CADM2: variants seen among roughly 807,000 people sequenced by gnomAD.
CADM2 encodes cell adhesion molecule 2.
In CADM2, 12 loss-of-function variants were observed where a neutral mutation model predicts 49.8. The observed-to-expected ratio is 0.24, with a 90% CI of 0.15 to 0.39. The LOEUF (loss-of-function observed/expected upper bound fraction) is 0.39. Among genes scored for constraint, CADM2 ranks in the 10% least tolerant of loss-of-function variants. The pLI is 1.00. For synonymous variants in CADM2, 214 were observed against 175.4 expected (o/e 1.22, Z -1.74); for missense variants, 378 against 492.3 (o/e 0.77, Z 2.20).
At chr3:86,032,029 A>G (rs774438280) in intron 8 of CADM2, among the ~76,000 whole-genome samples, 6 of 151,756 alleles carry the variant, frequency 4.0e-5, no homozygotes, top group Non-Finnish European at 7.4e-5. Context: ...TTGAAACAAT[A>G]TTAACCAAGA....
intron 7 of CADM2, among the ~76,000 whole-genome samples, chr3:85,936,442 A>T (rs1294734170): frequency 6.6e-6 from 1 of 151,830 alleles, no homozygotes; most frequent in African/African-American, 2.4e-5. Context: ...ATAAATAGCT[A>T]GTCAAGGAAT....
chr3:84,982,220 A>T (rs1294545676), intron 1 of CADM2, among the ~76,000 whole-genome samples: 1 of 152,138 alleles, frequency 6.6e-6, no homozygotes, highest in Non-Finnish European at 1.5e-5. Flanking sequence ...CATCTTTTCA[A>T]GGTGATAGAA....
chr3:85,369,609 T>TACTGTGTAGGAGA (rs1447861499), intron 1 of CADM2, among the ~76,000 whole-genome samples: 11 of 152,166 alleles, frequency 7.2e-5, no homozygotes, highest in Admixed American at 7.2e-4. Context: ...CCCTCCTGTA[T>TACTGTGTAGGAGA]ACTGTGAAGG....
intron 1 of CADM2, among the ~76,000 whole-genome samples, chr3:85,289,889 T>A: frequency 6.6e-6 from 1 of 152,202 alleles, no homozygotes; most frequent in East Asian, 1.9e-4. Flanking sequence ...TTAGATATGT[T>A]AAATAAATTA....
chr3:85,767,316 G>A (rs1465898301), intron 2 of CADM2, among the ~76,000 whole-genome samples: 2 of 152,170 alleles, frequency 1.3e-5, no homozygotes, highest in Non-Finnish European at 2.9e-5. Flanking sequence ...TAAGCCGGCG[G>A]CTGCTTCGAA....
chr3:85,684,464 G>T (rs1013232204), intron 1 of CADM2, among the ~76,000 whole-genome samples: 1 of 152,168 alleles, frequency 6.6e-6, no homozygotes, highest in Non-Finnish European at 1.5e-5. Flanking sequence ...GAGAGAGAGA[G>T]AGGGAGAGAC....
intron 1 of CADM2, among the ~76,000 whole-genome samples, chr3:85,705,783 A>G (rs1341607936): frequency 1.3e-5 from 2 of 152,230 alleles, no homozygotes; most frequent in African/African-American, 4.8e-5. Flanking sequence ...GGCCTAAGAA[A>G]AAAGAAGTTA....
chr3:85,744,880 A>G (rs1032580687), intron 2 of CADM2, among the ~76,000 whole-genome samples: 1 of 152,200 alleles, frequency 6.6e-6, no homozygotes, highest in African/African-American at 2.4e-5. Flanking sequence ...ATGGCAAAGC[A>G]TTGGCAGGGC....
At chr3:85,336,881 T>G (rs1211564893) in intron 1 of CADM2, among the ~76,000 whole-genome samples, 1 of 144,670 alleles carries the variant, frequency 6.9e-6, no homozygotes, top group African/African-American at 2.5e-5. Context: ...TATATATATA[T>G]GAATTATATA....
At chr3:85,566,582 C>G (rs2062265586) in intron 1 of CADM2, among the ~76,000 whole-genome samples, 1 of 151,940 alleles carries the variant, frequency 6.6e-6, no homozygotes, top group African/African-American at 2.4e-5. Context: ...GTGTGCTAGG[C>G]TGAGATTTCC....
chr3:85,568,473 C>CTTTCTCTCTCTTTCTTTCTTTCTT (rs1553743643), intron 1 of CADM2, among the ~76,000 whole-genome samples: 2 of 27,612 alleles, frequency 7.2e-5, no homozygotes, highest in Non-Finnish European at 2.2e-4. Context: ...CTCTTTCTCT[C>CTTTCTCTCTCTTTCTTTCTTTCTT]TCTTTCTTTC....
chr3:85,556,726 C>A (rs1009415531), intron 1 of CADM2, among the ~76,000 whole-genome samples: 2 of 152,064 alleles, frequency 1.3e-5, no homozygotes, highest in Non-Finnish European at 2.9e-5. Context: ...TTAAGAACAG[C>A]AGTACAGGAA....
chr3:85,264,785 ATTTG>A, intron 1 of CADM2, among the ~76,000 whole-genome samples: 1 of 152,174 alleles, frequency 6.6e-6, no homozygotes, highest in South Asian at 2.1e-4. Context: ...AGTATGTATT[ATTTG>A]TTTTAAATAT....
chr3:85,970,720 A>G (rs1011460573), intron 8 of CADM2, among the ~76,000 whole-genome samples: 5 of 151,622 alleles, frequency 3.3e-5, no homozygotes, highest in African/African-American at 7.3e-5. Context: ...TGCCGTGTGC[A>G]TAGTACTCTC....
At chr3:85,273,185 A>T (rs2043282154) in intron 1 of CADM2, among the ~76,000 whole-genome samples, 1 of 151,338 alleles carries the variant, frequency 6.6e-6, no homozygotes, top group African/African-American at 2.4e-5. Flanking sequence ...ACAGTAGGTC[A>T]GTGTGGTTGT....
intron 3 of CADM2, among the ~76,000 whole-genome samples, chr3:85,819,240 T>C (rs910577765): frequency 1.3e-5 from 2 of 152,152 alleles, no homozygotes; most frequent in African/African-American, 2.4e-5. Flanking sequence ...CTTTGTTCTA[T>C]TGGTGCTGGC....
chr3:85,094,433 A>AT (rs2037718567), intron 1 of CADM2, among the ~76,000 whole-genome samples: 1 of 152,152 alleles, frequency 6.6e-6, no homozygotes, highest in South Asian at 2.1e-4. Flanking sequence ...AGATATATAA[A>AT]TACACATCAC....
intron 8 of CADM2, among the ~76,000 whole-genome samples, chr3:86,007,255 A>G (rs1730913627): frequency 6.6e-6 from 1 of 152,056 alleles, no homozygotes; most frequent in Non-Finnish European, 1.5e-5. Flanking sequence ...CTCTATTCAA[A>G]GCAGATTTGA....
intron 8 of CADM2, chr3:85,979,210 C>G: frequency 6.2e-7 from 1 of 1,610,992 alleles, no homozygotes; most frequent in Non-Finnish European, 8.5e-7. Flanking sequence ...CCTCCCTTAC[C>G]ACTGCAACAG....
Sources: allele counts gnomAD v4.1 joint callset (sites outside exome capture counted in the v4.1 genomes callset), GRCh38; gene constraint gnomAD v4.1.1; transcripts MANE v1.5; gene names NCBI Gene and HGNC (gene_info 2026-07-23, HGNC 2026-07-21).